The following ZNF69 variants were observed in gnomAD, a reference collection of about 807,000 sequenced individuals.
ZNF69 encodes zinc finger protein 69, also known as ZNF3.
ZNF69 carries 47 observed loss-of-function variants against 50.9 expected under a neutral mutation model. The observed-to-expected ratio is 0.92, with a 90% confidence interval of 0.73 to 1.18. ZNF69 has a LOEUF of 1.18. Ranked by LOEUF, ZNF69 falls within the 50% of genes most tolerant of loss-of-function variation. The probability of loss-of-function intolerance (pLI) is 0.00; values close to 1 mark genes in which losing one functional copy is unlikely to be tolerated. For missense variants in ZNF69, 717 were observed against 675.1 expected, an observed-to-expected ratio of 1.06 and a Z score of -0.69; for synonymous variants, 216 against 223.1, an observed-to-expected ratio of 0.97 and a Z score of 0.29.
chr19:11,912,716 A>G (rs1190272130), intron 4 of ZNF69, among the ~76,000 whole-genome samples: 1 of 152,168 alleles, frequency 6.6e-6, no homozygotes, highest in Non-Finnish European at 1.5e-5. Flanking sequence ...CAATGCAGGA[A>G]AGCCTTCAGA....
At chr19:11,911,591 A>G (rs1278296567), downstream of ZNF69, among the ~76,000 whole-genome samples, 2 of 152,156 alleles carry the variant, frequency 1.3e-5, no homozygotes, top group Non-Finnish European at 2.9e-5. Context: ...CCAACACTGC[A>G]TATTCTCACT....
At chr19:11,965,039 C>A in the ZNF69 span, 7 of 742,686 alleles carry the variant, frequency 9.4e-6, no homozygotes, top group East Asian at 3.1e-5. Flanking sequence ...GGGTCGCATT[C>A]CTGTCCTCAC....
At chr19:11,949,189 C>T in the ZNF69 span, 151 of 1,612,802 alleles carry the variant, frequency 9.4e-5, no homozygotes, top group Non-Finnish European at 1.2e-4. Context: ...TGGAGAGAAA[C>T]GCTATAAATG....
chr19:11,948,911 A>G, the ZNF69 span: 3 of 1,606,644 alleles, frequency 1.9e-6, no homozygotes, highest in African/African-American at 1.3e-5. Flanking sequence ...TATCATAGAC[A>G]TGAAAGAAGT....
intron 4 of ZNF69, among the ~76,000 whole-genome samples, chr19:11,912,977 C>A (rs1255107007): frequency 2.0e-5 from 3 of 152,190 alleles, no homozygotes; most frequent in Non-Finnish European, 2.9e-5. Context: ...CAAGGCAGAT[C>A]ACGAGGCCAG....
At chr19:11,956,450 G>A in the ZNF69 span, 6 of 396,996 alleles carry the variant, frequency 1.5e-5, no homozygotes, top group East Asian at 2.1e-4. Context: ...AATAAACCGA[G>A]TTTGAGAGAT....
chr19:11,918,096 T>C (rs1972537609), downstream of ZNF69, among the ~76,000 whole-genome samples: 1 of 152,124 alleles, frequency 6.6e-6, no homozygotes, highest in Non-Finnish European at 1.5e-5. Flanking sequence ...TATCTCTTGA[T>C]CTTATTGACA....
chr19:11,916,469 G>T (rs279228), downstream of ZNF69, among the ~76,000 whole-genome samples: 47,465 of 148,776 alleles, frequency 0.32, 6,801 homozygotes, highest in African/African-American at 0.46. Context: ...ATAAAAATTA[G>T]CTGGGTGTGG....
intron 4 of ZNF69, among the ~76,000 whole-genome samples, chr19:11,911,841 C>T (rs1282916784): frequency 6.6e-6 from 1 of 152,036 alleles, no homozygotes; most frequent in East Asian, 1.9e-4. Flanking sequence ...TAAAAGAATG[C>T]ACTCTGTAGA....
the ZNF69 span, among the ~76,000 whole-genome samples, chr19:11,942,287 C>T: frequency 6.6e-6 from 1 of 151,626 alleles, no homozygotes; most frequent in Non-Finnish European, 1.5e-5. Context: ...ACAATGTCAT[C>T]AAAGATTACA....
the ZNF69 span, chr19:11,965,354 TC>T: frequency 9.4e-6 from 11 of 1,175,064 alleles, no homozygotes; most frequent in Non-Finnish European, 1.3e-5. Flanking sequence ...CGGCCCTCGG[TC>T]CCCTCGGCCG....
the ZNF69 span, among the ~76,000 whole-genome samples, chr19:11,922,956 G>C: frequency 1.0e-3 from 152 of 152,062 alleles, no homozygotes; most frequent in Middle Eastern, 6.8e-3. Context: ...GTGATTACAG[G>C]TACACACCAC....
intron 1 of ZNF69, among the ~76,000 whole-genome samples, chr19:11,888,694 A>G (rs144732919): frequency 1.8e-3 from 277 of 152,254 alleles, no homozygotes; most frequent in Non-Finnish European, 3.1e-3. Context: ...CTGGCCGGGC[A>G]CGGTGGCTCA....
chr19:11,975,573 A>G, the ZNF69 span, among the ~76,000 whole-genome samples: 1 of 150,658 alleles, frequency 6.6e-6, no homozygotes, highest in Admixed American at 6.6e-5. Context: ...AATTTTTCGT[A>G]TTTTTAGTAG....
the ZNF69 span, among the ~76,000 whole-genome samples, chr19:11,961,958 C>CACAT: frequency 2.8e-4 from 41 of 144,934 alleles, no homozygotes; most frequent in East Asian, 7.0e-3. Flanking sequence ...CACACACACA[C>CACAT]ATATATATTG....
At chr19:11,948,904 C>G in the ZNF69 span, 74 of 1,605,808 alleles carry the variant, frequency 4.6e-5, no homozygotes, top group Non-Finnish European at 6.2e-5. Context: ...TAGTTCCTAT[C>G]ATAGACATGA....
chr19:11,923,906 C>T, the ZNF69 span, among the ~76,000 whole-genome samples: 4 of 152,050 alleles, frequency 2.6e-5, no homozygotes, highest in African/African-American at 9.7e-5. Flanking sequence ...TCCCTGGGGG[C>T]TTCGCGGGCA....
chr19:11,889,026 A>G (rs10422425), intron 1 of ZNF69, among the ~76,000 whole-genome samples: 2,015 of 152,180 alleles, frequency 0.013, 39 homozygotes, highest in African/African-American at 0.045. Context: ...GGGGGGTTAG[A>G]AGGCACAGGT....
chr19:11,937,185 T>TA, the ZNF69 span, among the ~76,000 whole-genome samples: 110 of 152,344 alleles, frequency 7.2e-4, no homozygotes, highest in African/African-American at 2.6e-3. Flanking sequence ...TCACAAGTGT[T>TA]ACGTTCTAGA....
Sources: gnomAD v4.1 joint callset for allele counts (sites outside exome capture counted in the v4.1 genomes callset) on GRCh38, gnomAD v4.1.1 for gene constraint, MANE v1.5 for transcripts, NCBI Gene and HGNC (gene_info 2026-07-23, HGNC 2026-07-21) for gene names.